The following ELFN1 variants were observed in gnomAD, a reference collection of about 807,000 sequenced individuals.
ELFN1 encodes the protein extracellular leucine rich repeat and fibronectin type III domain containing 1, also known as protein ELFN1.
A neutral mutation model predicts 7.6 loss-of-function variants in ELFN1; 6 were observed. The ratio of observed to expected loss-of-function variants is 0.79; its 90% confidence interval spans 0.43 to 1.56. The LOEUF (loss-of-function observed/expected upper bound fraction) is 1.56, where lower values mean the gene tolerates loss of function less well. ELFN1 is among the 40% of genes most tolerant of loss of function. The pLI is 0.01. For synonymous variants in ELFN1, 657 were observed against 588.1 expected (o/e 1.12, Z -1.70); for missense variants, 1,169 against 1,232.2 (o/e 0.95, Z 0.77).
chr7:1,743,582 G>A (rs917547951), intron 3 of ELFN1, among the ~76,000 whole-genome samples: 1 of 152,222 alleles, frequency 6.6e-6, no homozygotes, highest in South Asian at 2.1e-4. Flanking sequence ...AGCGTGCCAG[G>A]GACACAGGGC....
At chr7:1,728,672 C>T (rs376222449) in intron 3 of ELFN1, among the ~76,000 whole-genome samples, 2 of 152,216 alleles carry the variant, frequency 1.3e-5, no homozygotes, top group East Asian at 1.9e-4. Flanking sequence ...CGTTTTCTCA[C>T]GTTCCCCCCT....
intron 3 of ELFN1, among the ~76,000 whole-genome samples, chr7:1,720,861 A>G (rs1780000878): frequency 6.6e-6 from 1 of 152,082 alleles, no homozygotes; most frequent in Non-Finnish European, 1.5e-5. Flanking sequence ...CATTAACTCA[A>G]ACTCAGACCT....
chr7:1,669,271 C>T (rs1174104366), upstream of ELFN1, among the ~76,000 whole-genome samples: 8 of 152,126 alleles, frequency 5.3e-5, no homozygotes, highest in Admixed American at 6.5e-5. Flanking sequence ...AATTGCCCAG[C>T]TGCTGGCGGC....
In ELFN1 at chr7:1,747,112, A is replaced by G. The variant is rs1418608046; in HGVS notation, c.*29A>G. ...CCCCAAGACCGGCGATGCCCACTGG[A>G]CCAAAAAGGATGCAGGATCCACCCA... On this transcript the variant is annotated 3_prime_UTR_variant, in exon 4 of 4. Coordinates refer to ENST00000424383, the MANE Select transcript of ELFN1 (RefSeq NM_001128636.4). 6.9e-7 allele frequency: 1 copy of G among 1,441,762 alleles called. No individual in the cohort carries two copies. The highest frequency in any genetic ancestry group is 1.5e-5 in the South Asian group (1 of 66,334). The allele number at this position is 1,441,762 out of a possible 1,614,324, so 89.3% of individuals were successfully genotyped here. A position where few individuals can be genotyped will look rare whatever the true frequency, so the allele number is the denominator to read the frequency against.
intron 3 of ELFN1, among the ~76,000 whole-genome samples, chr7:1,720,332 C>T (rs1779981004): frequency 6.6e-6 from 1 of 152,236 alleles, no homozygotes; most frequent in Admixed American, 6.5e-5. Flanking sequence ...GCTTCCTCTG[C>T]CTGCCCTTGA....
At chr7:1,712,418 CCTT>C (rs1396518752) in intron 3 of ELFN1, among the ~76,000 whole-genome samples, 1 of 147,312 alleles carries the variant, frequency 6.8e-6, no homozygotes, top group Non-Finnish European at 1.5e-5. Flanking sequence ...CGGTGCCCAG[CCTT>C]CTTTCCTTTT....
chr7:1,746,705 C>T lies in ELFN1; in HGVS notation c.2109C>T (p.His703=). ...AGAAGGGTCGCCAGTACGGCGAGCA[C>T]CGGCACTCGTACCCCGGCTCCCACC... The part of the protein sequence containing the change: ...EAEKGRQYGE[H]RHSYPGSHPA... The change falls in exon 4 of 4, where the codon CAC becomes CAT. Residue 703 remains histidine (H), a synonymous_variant. Coordinates refer to ENST00000424383, the MANE Select transcript of ELFN1 (RefSeq NM_001128636.4). 1 of 1,468,994 alleles carries T rather than the reference C, an allele frequency of 6.8e-7. No individual in the cohort carries two copies. The highest frequency in any genetic ancestry group is 9.0e-7 in the Non-Finnish European group (1 of 1,116,766). 91.0% of individuals were successfully genotyped at this position (1,468,994 alleles called of 1,614,324 possible).
At chr7:1,680,458 A>G (rs1778953302) in intron 1 of ELFN1, among the ~76,000 whole-genome samples, 1 of 152,200 alleles carries the variant, frequency 6.6e-6, no homozygotes, top group South Asian at 2.1e-4. Flanking sequence ...TGAAAGGGGC[A>G]GCGGCTGTGC....
chr7:1,721,020 G>A (rs1204336229), intron 3 of ELFN1, among the ~76,000 whole-genome samples: 1 of 152,100 alleles, frequency 6.6e-6, no homozygotes, highest in Non-Finnish European at 1.5e-5. Flanking sequence ...GACTTTCCAC[G>A]TCATGGTATT....
At chr7:1,666,927 CTAT>C (rs2128571194), upstream of ELFN1, among the ~76,000 whole-genome samples, 1 of 151,956 alleles carries the variant, frequency 6.6e-6, no homozygotes, top group African/African-American at 2.4e-5. This position sits in a 1 kb window ranked among gnomAD's most constrained non-coding sequence, Gnocchi z 7.9. Flanking sequence ...CCGCTCGCGG[CTAT>C]TAATAGGCGT....
At chr7:1,685,194 A>AT (rs1779042350) in intron 1 of ELFN1, among the ~76,000 whole-genome samples, 1 of 152,064 alleles carries the variant, frequency 6.6e-6, no homozygotes, top group African/African-American at 2.4e-5. Context: ...GCCATTTATC[A>AT]TATTGCTGTT....
In ELFN1 at chr7:1,745,150, G is replaced by A; in HGVS notation, c.554G>A (p.Cys185Tyr). Residue 185 changes from cysteine to tyrosine, a missense_variant, in exon 4 of 4, where the codon TGC (cysteine) becomes TAC (tyrosine). This residue lies in a region of ELFN1 where 255 missense variants were observed against 359.6 expected (regional missense o/e 0.71). Transcript: ENST00000424383. The part of the protein sequence containing the change: ...TFAGLAKLSV[C>Y]ELYSNPFYCS... ...GCCGGCCTGGCCAAGCTGTCGGTGT[G>A]CGAGCTCTACAGCAACCCCTTCTAC... 1 of 1,550,190 alleles carries A rather than the reference G, an allele frequency of 6.5e-7. No homozygotes were observed. The highest frequency in any genetic ancestry group is 8.7e-7 in the Non-Finnish European group (1 of 1,146,992).
intron 2 of ELFN1, among the ~76,000 whole-genome samples, chr7:1,707,105 A>G (rs989177744): frequency 1.3e-5 from 2 of 152,270 alleles, no homozygotes; most frequent in African/African-American, 2.4e-5. Flanking sequence ...GCTCCAGGGC[A>G]GGTGCCCTGA....
chr7:1,712,813 C>T (rs1229611009), intron 3 of ELFN1, among the ~76,000 whole-genome samples: 1 of 152,246 alleles, frequency 6.6e-6, no homozygotes, highest in African/African-American at 2.4e-5. Context: ...TCTTCTACCT[C>T]TGGCGTCCCT....
At chr7:1,729,451 G>A (rs982300727) in intron 3 of ELFN1, among the ~76,000 whole-genome samples, 8 of 152,148 alleles carry the variant, frequency 5.3e-5, no homozygotes, top group Admixed American at 2.0e-4. Flanking sequence ...TCTCAGTCTC[G>A]ATGGGACCAC....
chr7:1,725,102 A>G (rs1780149918), intron 3 of ELFN1, among the ~76,000 whole-genome samples: 1 of 152,226 alleles, frequency 6.6e-6, no homozygotes, highest in Non-Finnish European at 1.5e-5. Flanking sequence ...CTGGGGATCA[A>G]AAAGGGGTCT....
chr7:1,680,731 T>C (rs1194642405), intron 1 of ELFN1, among the ~76,000 whole-genome samples: 1 of 151,408 alleles, frequency 6.6e-6, no homozygotes. Context: ...TCTCTGTGGA[T>C]TTACAATTTT....
At chr7:1,671,365 C>A (rs1364883708) in intron 1 of ELFN1, among the ~76,000 whole-genome samples, 2 of 152,166 alleles carry the variant, frequency 1.3e-5, no homozygotes, top group Non-Finnish European at 2.9e-5. Flanking sequence ...CAGGTGTGCA[C>A]GTCCTCAAAA....
intron 2 of ELFN1, among the ~76,000 whole-genome samples, chr7:1,704,189 G>A (rs559188825): frequency 2.0e-4 from 30 of 152,296 alleles, no homozygotes; most frequent in Non-Finnish European, 4.0e-4. Flanking sequence ...GCCTGCAGCC[G>A]GGCATGGTGG....
Sources: gnomAD v4.1 joint callset for allele counts (sites outside exome capture counted in the v4.1 genomes callset) on GRCh38, gnomAD v4.1.1 for gene constraint, gnomAD v4.1.1 regional missense constraint, Gnocchi (gnomAD v3.1) non-coding constraint, MANE v1.5 for transcripts, NCBI Gene and HGNC (gene_info 2026-07-23, HGNC 2026-07-21) for gene names.